The following ZNF624 variants were observed in gnomAD, a reference collection of about 807,000 sequenced individuals.
The protein encoded by ZNF624 is zinc finger protein 624.
A neutral mutation model predicts 74.7 loss-of-function variants in ZNF624; 43 were observed. The observed-to-expected ratio is 0.58, with a 90% CI of 0.45 to 0.74. The LOEUF is 0.74. Ranked by LOEUF, ZNF624 falls within the 30% of genes least tolerant of loss-of-function variation. The pLI is 0.00. For missense variants in ZNF624, 820 were observed against 1,030.0 expected, an observed-to-expected ratio of 0.80 and a Z score of 2.79; for synonymous variants, 331 against 341.3, an observed-to-expected ratio of 0.97 and a Z score of 0.33.
At chr17:16,647,427 T>C (rs751554362) in intron 2 of ZNF624, 33 bp from the exon 3 acceptor site, 13 of 1,595,700 alleles carry the variant, frequency 8.1e-6, no homozygotes, top group South Asian at 3.3e-5. Flanking sequence ...CATTCAGTGA[T>C]AGGCTGCCTA....
At chr17:16,615,956 CATATATATATATAT>C (rs56321425), downstream of ZNF624, among the ~76,000 whole-genome samples, 6,756 of 90,312 alleles carry the variant, frequency 0.075, 297 homozygotes, top group Middle Eastern at 0.17. Context: ...ATTCCATATA[CATATATATATATAT>C]ATATATATAT....
chr17:16,633,755 G>T, intron 5 of ZNF624, 107 bp downstream of exon 5: 1 of 820,116 alleles, frequency 1.2e-6, no homozygotes. Context: ...CTCTGAGACA[G>T]CGTTGAACAA....
chr17:16,650,244 AAG>A (rs1909690241), intron 1 of ZNF624, among the ~76,000 whole-genome samples: 1 of 152,158 alleles, frequency 6.6e-6, no homozygotes, highest in South Asian at 2.1e-4. Context: ...CTTTCCCACG[AAG>A]AGTCTATTTC....
At chr17:16,647,620 C>G (rs554350532) in intron 2 of ZNF624, among the ~76,000 whole-genome samples, 18 of 152,254 alleles carry the variant, frequency 1.2e-4, no homozygotes, top group African/African-American at 4.3e-4. Context: ...GATATAACTG[C>G]TTTTAAAAAA....
downstream of ZNF624, among the ~76,000 whole-genome samples, chr17:16,616,621 A>T (rs1908796824): frequency 6.6e-6 from 1 of 152,250 alleles, no homozygotes; most frequent in Admixed American, 6.5e-5. Flanking sequence ...CTCAAAAGCT[A>T]TAAAATCATA....
At position 16,639,914 on chromosome 17, in the gene ZNF624, G is replaced by A. The variant is rs369673494; in HGVS notation, c.154-5158C>T. Among the ~76,000 whole-genome samples the A allele has an allele frequency of 1.6e-3, 250 of 152,144 alleles. 5 individuals are homozygous for A. The South Asian group carries it at 0.024, about 15-fold the overall frequency. ...AATTATAAGACACACAAAGAAACAC[G>A]AAAGCATGGACCCATACACAGTAAA... On this transcript the variant is annotated intron_variant, in intron 3 of 5. Coordinates refer to ENST00000311331, the MANE Select transcript of ZNF624 (RefSeq NM_020787.4).
intron 3 of ZNF624, among the ~76,000 whole-genome samples, chr17:16,635,247 C>T (rs944379505): frequency 6.6e-6 from 1 of 151,918 alleles, no homozygotes; most frequent in Admixed American, 6.6e-5. Flanking sequence ...ATATTATAAG[C>T]TTTCTCTTTG....
chr17:16,642,102 A>G (rs532878866), intron 3 of ZNF624, among the ~76,000 whole-genome samples: 61 of 152,344 alleles, frequency 4.0e-4, no homozygotes, highest in Non-Finnish European at 7.1e-4. Flanking sequence ...CAGATTCAAC[A>G]TAAGACTTAT....
chr17:16,647,306 A>G, intron 3 of ZNF624, 23 bp downstream of exon 3: 3 of 1,591,062 alleles, frequency 1.9e-6, no homozygotes, highest in Non-Finnish European at 2.6e-6. Flanking sequence ...TGTATTCATT[A>G]TATGTACAAC....
chr17:16,640,890 G>A (rs150612333), intron 3 of ZNF624, among the ~76,000 whole-genome samples: 199 of 152,150 alleles, frequency 1.3e-3, no homozygotes, highest in African/African-American at 4.7e-3. Context: ...ACTAGACAAA[G>A]ACCTCAGAAG....
At chr17:16,642,625 T>C (rs1051979202) in intron 3 of ZNF624, among the ~76,000 whole-genome samples, 5 of 152,162 alleles carry the variant, frequency 3.3e-5, no homozygotes, top group African/African-American at 7.2e-5. Context: ...TTATTAGATA[T>C]GACACCAAAA....
At chr17:16,636,383 G>A (rs1230849748) in intron 3 of ZNF624, among the ~76,000 whole-genome samples, 3 of 152,148 alleles carry the variant, frequency 2.0e-5, no homozygotes, top group East Asian at 3.9e-4. Flanking sequence ...GAATGAAGAA[G>A]GAACAAAAGA....
At chr17:16,646,031 CTT>C (rs984869450) in intron 3 of ZNF624, among the ~76,000 whole-genome samples, 47 of 147,604 alleles carry the variant, frequency 3.2e-4, no homozygotes, top group African/African-American at 1.1e-3. Context: ...AAATTAATAA[CTT>C]ATTGATAGTT....
intron 5 of ZNF624, among the ~76,000 whole-genome samples, chr17:16,628,812 A>C (rs927670083): frequency 6.6e-6 from 1 of 152,198 alleles, no homozygotes; most frequent in Non-Finnish European, 1.5e-5. Flanking sequence ...TTAGAAGCCA[A>C]ATGAATCTTC....
rs1908979771 is a variant in ZNF624 at position 16,623,437 on chromosome 17, A to G, written c.1449T>C (p.Ser483=). The change falls in exon 6 of 6, where the codon AGT becomes AGC. Residue 483 remains serine (S), a synonymous_variant. Coordinates refer to ENST00000311331, the MANE Select transcript of ZNF624 (RefSeq NM_020787.4). The surrounding 1 kb of genome is among the most constrained non-coding windows in gnomAD (Gnocchi z 5.3). ...TTATATGTACGATAAGGCTTGAATT[A>G]CTTCTATAGGCTTTTCCACATTCGT... ...RCNECGKAYR[S]NSSLIVHIRT... 1 of 1,613,820 alleles carries G rather than the reference A, an allele frequency of 6.2e-7. No individual in the cohort carries two copies. The highest frequency in any genetic ancestry group is 1.7e-5 in the Admixed American group (1 of 59,992).
intron 5 of ZNF624, 135 bp from the exon 6 acceptor site, chr17:16,624,644 TA>T (rs1460372409): frequency 4.8e-6 from 4 of 831,898 alleles, no homozygotes; most frequent in Non-Finnish European, 5.3e-6. Flanking sequence ...ACTTGTTTTT[TA>T]GTGAGAAGAA....
chr17:16,629,554 T>G (rs1036340300), intron 5 of ZNF624, among the ~76,000 whole-genome samples: 1 of 152,002 alleles, frequency 6.6e-6, no homozygotes, highest in African/African-American at 2.4e-5. Flanking sequence ...TTTATTTTTA[T>G]TTATTTATTT....
intron 5 of ZNF624, among the ~76,000 whole-genome samples, chr17:16,633,153 T>C (rs1037404561): frequency 6.6e-6 from 1 of 152,218 alleles, no homozygotes; most frequent in African/African-American, 2.4e-5. Context: ...CTGGGAGGTA[T>C]GGCAACCACC....
downstream of ZNF624, among the ~76,000 whole-genome samples, chr17:16,615,982 T>TATAC (rs1301845516): frequency 1.2e-5 from 1 of 84,300 alleles, no homozygotes; most frequent in Non-Finnish European, 2.3e-5. Flanking sequence ...TATATATATA[T>TATAC]ATATATATAT....
Sources: allele counts gnomAD v4.1 joint callset (sites outside exome capture counted in the v4.1 genomes callset), GRCh38; gene constraint gnomAD v4.1.1; non-coding constraint Gnocchi (gnomAD v3.1); transcripts MANE v1.5; gene names NCBI Gene and HGNC (gene_info 2026-07-23, HGNC 2026-07-21).